Variants in MYCT1 observed in about 807,000 individuals in gnomAD.
MYCT1 encodes MYC target 1.
Under a neutral mutation model 15.0 loss-of-function variants are expected in MYCT1, and 12 were observed. The observed-to-expected ratio is 0.80, with a 90% CI of 0.51 to 1.29. The LOEUF is 1.29. MYCT1 is among the 50% of genes most tolerant of loss of function. The pLI is 0.00. For missense variants in MYCT1, 287 were observed against 279.1 expected (o/e 1.03, Z -0.20); for synonymous variants, 104 against 102.7 (o/e 1.01, Z -0.07).
the MYCT1 span, among the ~76,000 whole-genome samples, chr6:152,743,444 G>A: frequency 6.3e-3 from 953 of 152,270 alleles, 4 homozygotes; most frequent in African/African-American, 0.02. Context: ...GCGACTCCCC[G>A]TTAGGATGCA....
chr6:152,743,564 C>G, the MYCT1 span, among the ~76,000 whole-genome samples: 1 of 152,204 alleles, frequency 6.6e-6, no homozygotes, highest in Non-Finnish European at 1.5e-5. Context: ...ATTGCTCAAC[C>G]GTCCCGGTAA....
At chr6:152,740,081 T>C in the MYCT1 span, among the ~76,000 whole-genome samples, 38 of 152,270 alleles carry the variant, frequency 2.5e-4, no homozygotes, top group East Asian at 4.2e-3. Flanking sequence ...AGTTTCGCTC[T>C]TGTTGCCCAG....
At position 152,724,479 on chromosome 6, in the gene MYCT1, G is replaced by A. The variant is rs1435622874; in HGVS notation, c.*2226G>A. ...CCTAAATATTGTGAGTGTATGAAATGTGAAATTAAAGCAAAAACTGGAGAC... is the reference window on the plus strand; with the variant it reads ...CCTAAATATTGTGAGTGTATGAAATATGAAATTAAAGCAAAAACTGGAGAC... On this transcript the variant is annotated 3_prime_UTR_variant, in exon 2 of 2. Coordinates refer to ENST00000367245, the MANE Select transcript of MYCT1 (RefSeq NM_025107.3). The A allele has an allele frequency of 6.6e-6, 1 of 152,104 alleles. No homozygotes were observed. The highest frequency in any genetic ancestry group is 1.5e-5 in the Non-Finnish European group (1 of 68,006). 9.4% of individuals were successfully genotyped at this position (152,104 alleles called of 1,614,324 possible).
chr6:152,698,227 GT>G, intron 1 of MYCT1, 129 bp downstream of exon 1: 1 of 415,300 alleles, frequency 2.4e-6, no homozygotes, highest in Non-Finnish European at 4.2e-6. Flanking sequence ...AAGTTTTCAT[GT>G]TTATTAACAG....
the MYCT1 span, among the ~76,000 whole-genome samples, chr6:152,739,857 T>G: frequency 2.0e-5 from 3 of 152,258 alleles, no homozygotes; most frequent in Non-Finnish European, 2.9e-5. Context: ...TATTTGTATG[T>G]AACTCTTTAG....
At chr6:152,732,577 C>T in the MYCT1 span, among the ~76,000 whole-genome samples, 5 of 152,200 alleles carry the variant, frequency 3.3e-5, no homozygotes, top group Admixed American at 1.3e-4. Context: ...CTAAACTAGT[C>T]TTTGAACAAT....
chr6:152,728,371 A>G (rs1045911057), downstream of MYCT1, among the ~76,000 whole-genome samples: 2 of 152,166 alleles, frequency 1.3e-5, no homozygotes, highest in Non-Finnish European at 2.9e-5. Context: ...TGATGGGAGT[A>G]GCCTAAGGTA....
chr6:152,708,207 T>TA (rs1421994277), intron 1 of MYCT1, among the ~76,000 whole-genome samples: 27 of 152,058 alleles, frequency 1.8e-4, no homozygotes, highest in East Asian at 1.4e-3. Flanking sequence ...ATACATTTTG[T>TA]AAAAAAAGAT....
chr6:152,707,177 T>C (rs139736249), intron 1 of MYCT1, among the ~76,000 whole-genome samples: 4 of 152,198 alleles, frequency 2.6e-5, no homozygotes, highest in East Asian at 3.9e-4. Flanking sequence ...TTATCTTTTG[T>C]CTTTTTGATA....
At chr6:152,743,992 G>A in the MYCT1 span, among the ~76,000 whole-genome samples, 5 of 152,270 alleles carry the variant, frequency 3.3e-5, no homozygotes, top group South Asian at 2.1e-4. Context: ...AGGGCCAGGC[G>A]CCAGCAGCCC....
At chr6:152,703,189 A>C (rs1201412989) in intron 1 of MYCT1, among the ~76,000 whole-genome samples, 1 of 152,152 alleles carries the variant, frequency 6.6e-6, no homozygotes, top group African/African-American at 2.4e-5. Context: ...TATTGTAACT[A>C]TATGTAGTAT....
intron 1 of MYCT1, among the ~76,000 whole-genome samples, chr6:152,703,078 C>A (rs2099721624): frequency 6.6e-6 from 1 of 152,150 alleles, no homozygotes; most frequent in South Asian, 2.1e-4. Flanking sequence ...GTTATGCAAG[C>A]CTTGTAAAAC....
At chr6:152,708,369 A>G (rs911361402) in intron 1 of MYCT1, among the ~76,000 whole-genome samples, 6 of 152,012 alleles carry the variant, frequency 3.9e-5, no homozygotes, top group African/African-American at 1.2e-4. Flanking sequence ...TAGAATACAT[A>G]AGATTTTCAA....
chr6:152,743,001 C>G, the MYCT1 span, among the ~76,000 whole-genome samples: 1 of 152,046 alleles, frequency 6.6e-6, no homozygotes, highest in Admixed American at 6.5e-5. Context: ...ACTGTTTTGA[C>G]AGAAAAAGCG....
chr6:152,739,563 T>C, the MYCT1 span, among the ~76,000 whole-genome samples: 1 of 152,030 alleles, frequency 6.6e-6, no homozygotes, highest in Admixed American at 6.5e-5. Context: ...TAATGATTTA[T>C]GATGGAACAT....
intron 1 of MYCT1, among the ~76,000 whole-genome samples, chr6:152,713,533 C>T (rs1377391511): frequency 6.6e-6 from 1 of 152,046 alleles, no homozygotes; most frequent in Non-Finnish European, 1.5e-5. Context: ...ATGTTTTCCC[C>T]CTAGTTTATT....
At chr6:152,721,488 AG>A (rs2099724689) in intron 1 of MYCT1, among the ~76,000 whole-genome samples, 1 of 152,210 alleles carries the variant, frequency 6.6e-6, no homozygotes, top group Non-Finnish European at 1.5e-5. Flanking sequence ...TATTTCTTAA[AG>A]ATGATAAAAC....
chr6:152,732,053 C>G, the MYCT1 span, among the ~76,000 whole-genome samples: 1 of 152,178 alleles, frequency 6.6e-6, no homozygotes, highest in Non-Finnish European at 1.5e-5. Context: ...GATAAGAAGT[C>G]TAACATTTTA....
chr6:152,734,025 G>A, the MYCT1 span, among the ~76,000 whole-genome samples: 2 of 151,934 alleles, frequency 1.3e-5, no homozygotes, highest in Admixed American at 6.6e-5. Context: ...GGCACAAAGA[G>A]CCAGGTCTTA....
Sources: gnomAD v4.1 joint callset for allele counts (sites outside exome capture counted in the v4.1 genomes callset) on GRCh38, gnomAD v4.1.1 for gene constraint, MANE v1.5 for transcripts, NCBI Gene and HGNC (gene_info 2026-07-23, HGNC 2026-07-21) for gene names.